RPTOR: variants seen among roughly 807,000 people sequenced by gnomAD.
The protein encoded by RPTOR is regulatory-associated protein of mTOR.
Under a neutral mutation model 169.9 loss-of-function variants are expected in RPTOR, and 21 were observed. That is an observed-to-expected ratio of 0.12 (90% CI 0.09 to 0.18). The LOEUF is 0.18. RPTOR is among the 10% of genes least tolerant of loss of function. RPTOR has a pLI of 1.00. For synonymous variants in RPTOR, 732 were observed against 753.2 expected, an observed-to-expected ratio of 0.97 and a Z score of 0.46; for missense variants, 1,133 against 1,855.9, an observed-to-expected ratio of 0.61 and a Z score of 7.16.
intron 5 of RPTOR, among the ~76,000 whole-genome samples, chr17:80,736,295 AAC>A (rs968857949): frequency 1.3e-5 from 2 of 152,062 alleles, no homozygotes; most frequent in Non-Finnish European, 2.9e-5. Flanking sequence ...GGTGTCTCTA[AAC>A]ACAATTGTGT....
At chr17:80,601,171 C>T (rs931276062) in intron 1 of RPTOR, among the ~76,000 whole-genome samples, 6 of 130,810 alleles carry the variant, frequency 4.6e-5, no homozygotes, top group Non-Finnish European at 6.7e-5. Flanking sequence ...CACTGTCAGC[C>T]GCCAGATGTG....
chr17:80,700,694 GT>G (rs2066086225), intron 3 of RPTOR, among the ~76,000 whole-genome samples: 1 of 91,192 alleles, frequency 1.1e-5, no homozygotes, highest in Non-Finnish European at 2.5e-5. Flanking sequence ...GGTGGTGATG[GT>G]GATGGTGGTG....
chr17:80,921,512 C>T (rs552263076), intron 21 of RPTOR, among the ~76,000 whole-genome samples: 3 of 152,340 alleles, frequency 2.0e-5, no homozygotes, highest in South Asian at 4.1e-4. Flanking sequence ...CACGCCCTGC[C>T]TTGCGTGGTT....
At chr17:80,674,911 C>A (rs1328891507) in intron 3 of RPTOR, among the ~76,000 whole-genome samples, 1 of 149,968 alleles carries the variant, frequency 6.7e-6, no homozygotes, top group East Asian at 2.0e-4. Context: ...CAAATATACA[C>A]TAAGAATATG....
chr17:80,774,886 G>C (rs184089005), intron 6 of RPTOR, among the ~76,000 whole-genome samples: 3 of 152,208 alleles, frequency 2.0e-5, no homozygotes, highest in Admixed American at 1.3e-4. Flanking sequence ...CCCCTCTGCC[G>C]TGGAAGGTTT....
At position 80,957,866 on chromosome 17, in the gene RPTOR, T is replaced by G; in HGVS notation, c.3477+136T>G. On this transcript the variant is annotated intron_variant, in intron 29 of 33. Coordinates refer to ENST00000306801, the MANE Select transcript of RPTOR (RefSeq NM_020761.3). This position sits in a 1 kb window ranked among gnomAD's most constrained non-coding sequence, Gnocchi z 4.6. ...GTGGAGTCAGGGCCTGGGAGGACAG[T>G]GCCGGGACAATGCTGGGAGGAGACG... is the stretch of plus-strand genomic sequence containing the variant. The G allele has an allele frequency of 1.3e-6, 1 of 757,536 alleles. No homozygotes were observed. Among genetic ancestry groups the G allele is most frequent in the Non-Finnish European group, 2.2e-6 (1 of 451,588 alleles). The allele number at this position is 757,536 out of a possible 1,614,324, so 46.9% of individuals were successfully genotyped here.
In RPTOR at chr17:80,883,928, G is replaced by T; in HGVS notation, c.1798G>T (p.Ala600Ser). The T allele has an allele frequency of 6.2e-7, 1 of 1,613,402 alleles. No individual in the cohort carries two copies. The highest frequency in any genetic ancestry group is 8.5e-7 in the Non-Finnish European group (1 of 1,179,998). Residue 600 changes from alanine to serine, a missense_variant, in exon 16 of 34, where the codon GCT (alanine) becomes TCT (serine). By Grantham distance (99) the Ala-to-Ser change is moderately conservative. This residue lies in a region of RPTOR where 289 missense variants were observed against 585.8 expected (regional missense o/e 0.49). Transcript: ENST00000306801. ...SARWCGVRDSAHEKLYSLLSD... is the reference protein window; with the variant it reads ...SARWCGVRDSSHEKLYSLLSD... ...GAGGTGGTGCGGCGTGAGGGACAGC[G>T]CTCATGAGAAGCTCTACAGCCTCCT...
At chr17:80,786,213 A>G (rs1395214762) in intron 6 of RPTOR, among the ~76,000 whole-genome samples, 1 of 152,198 alleles carries the variant, frequency 6.6e-6, no homozygotes, top group Non-Finnish European at 1.5e-5. Context: ...ATTTGCTTTT[A>G]TTCTAAAATA....
At position 80,691,077 on chromosome 17, in the gene RPTOR, G is replaced by A. The variant is rs78850730; in HGVS notation, c.349-16764G>A. Among the ~76,000 whole-genome samples the A allele has an allele frequency of 5.6e-4, 86 of 152,286 alleles. 1 individual carries two copies. In the East Asian group the frequency reaches 0.016, roughly 28 times the overall value. On this transcript the variant is annotated intron_variant, in intron 3 of 33. Coordinates refer to ENST00000306801, the MANE Select transcript of RPTOR (RefSeq NM_020761.3). The stretch of plus-strand genomic sequence containing the variant: ...CCCAAAGTGCTGGGGTTACAGATAC[G>A]AGCCACTGTGCTTAGCTGTCCTTAT...
Position 80,860,076 on chromosome 17 carries a change from G to C in RPTOR, c.1509+2176G>C, listed in dbSNP as rs1840319794. On this transcript the variant is annotated intron_variant, in intron 13 of 33. Coordinates refer to ENST00000306801, the MANE Select transcript of RPTOR (RefSeq NM_020761.3). This position sits in a 1 kb window ranked among gnomAD's most constrained non-coding sequence, Gnocchi z 5.8. ...AAGACCACCCTTTCCTTTTCTGTGTGGCAGGTGAGGGGAGAGTGGACGGAG... is the reference window on the plus strand; with the variant it reads ...AAGACCACCCTTTCCTTTTCTGTGTCGCAGGTGAGGGGAGAGTGGACGGAG... 6.6e-6 allele frequency among the ~76,000 whole-genome samples: 1 copy of C among 152,220 alleles called. No individual in the cohort carries two copies. The highest frequency in any genetic ancestry group is 6.5e-5 in the Admixed American group (1 of 15,292).
chr17:80,872,666 A>G (rs193141181), intron 13 of RPTOR, among the ~76,000 whole-genome samples: 1 of 152,172 alleles, frequency 6.6e-6, no homozygotes, highest in East Asian at 1.9e-4. Flanking sequence ...AGAGAGAGGA[A>G]CCCGGAGGGG....
At chr17:80,831,534 G>C (rs1175422016) in intron 9 of RPTOR, among the ~76,000 whole-genome samples, 3 of 152,232 alleles carry the variant, frequency 2.0e-5, no homozygotes, top group Non-Finnish European at 4.4e-5. Flanking sequence ...TCTTAGATAT[G>C]AGCAGTCCTT....
Position 80,830,777 on chromosome 17 carries a change from G to A in RPTOR, c.1137-7145G>A, listed in dbSNP as rs185244125. On this transcript the variant is annotated intron_variant, in intron 9 of 33. Coordinates refer to ENST00000306801, the MANE Select transcript of RPTOR (RefSeq NM_020761.3). Reference sequence around the variant, plus strand: ...CTTTTTTTTTTTTTTCGGAGGCGGGGTCTCGCTCTGTCACCCAGGCTGGAG... The same window carrying A: ...CTTTTTTTTTTTTTTCGGAGGCGGGATCTCGCTCTGTCACCCAGGCTGGAG... 2.3e-3 allele frequency among the ~76,000 whole-genome samples: 353 copies of A among 151,754 alleles called. 2 individuals carry two copies. Among genetic ancestry groups the A allele is most frequent in the African/African-American group, 7.3e-3 (301 of 41,350 alleles).
intron 1 of RPTOR, among the ~76,000 whole-genome samples, chr17:80,580,553 C>T (rs1428530869): frequency 1.3e-5 from 2 of 152,150 alleles, no homozygotes; most frequent in Admixed American, 6.6e-5. Flanking sequence ...GGGTCAGTTT[C>T]ATTATGTTTA....
At chr17:80,673,633 G>A (rs1160276516) in intron 3 of RPTOR, among the ~76,000 whole-genome samples, 3 of 152,216 alleles carry the variant, frequency 2.0e-5, no homozygotes, top group Non-Finnish European at 4.4e-5. Context: ...CTTCTTGGTA[G>A]CCGGCGCTTT....
At chr17:80,777,406 C>G (rs1250295672) in intron 6 of RPTOR, among the ~76,000 whole-genome samples, 1 of 152,126 alleles carries the variant, frequency 6.6e-6, no homozygotes, top group Non-Finnish European at 1.5e-5. Context: ...AATATTCAAG[C>G]AGGACTAGAG....
In RPTOR at chr17:80,746,383, C is replaced by G. The variant is rs552609379; in HGVS notation, c.655-7627C>G. On this transcript the variant is annotated intron_variant, in intron 5 of 33. Transcript: ENST00000306801. This position sits in a 1 kb window ranked among gnomAD's most constrained non-coding sequence, Gnocchi z 4.5. Reference sequence around the variant, plus strand: ...AGCGGTGCTTTCTGCAGGGAGCGGACGGCAGGCCTGGGGCGTGCTGCCCGC... The same window carrying G: ...AGCGGTGCTTTCTGCAGGGAGCGGAGGGCAGGCCTGGGGCGTGCTGCCCGC... 6.6e-6 allele frequency among the ~76,000 whole-genome samples: 1 copy of G among 152,208 alleles called. No homozygotes were observed. Among genetic ancestry groups the G allele is most frequent in the South Asian group, 2.1e-4 (1 of 4,836 alleles).
At chr17:80,948,957 CTG>C (rs1298143233) in intron 27 of RPTOR, among the ~76,000 whole-genome samples, 8 of 152,206 alleles carry the variant, frequency 5.3e-5, no homozygotes, top group African/African-American at 1.9e-4. Flanking sequence ...GCTACTCTCT[CTG>C]TGGAGCACAG....
At chr17:80,630,593 A>G (rs1286295526) in intron 2 of RPTOR, among the ~76,000 whole-genome samples, 2 of 152,362 alleles carry the variant, frequency 1.3e-5, no homozygotes, top group African/African-American at 2.4e-5. Context: ...TACCAAAGAA[A>G]ATCTCCTTTA....
Sources: allele counts gnomAD v4.1 joint callset (sites outside exome capture counted in the v4.1 genomes callset), GRCh38; gene constraint gnomAD v4.1.1; regional missense constraint gnomAD v4.1.1; non-coding constraint Gnocchi (gnomAD v3.1); transcripts MANE v1.5; gene names NCBI Gene and HGNC (gene_info 2026-07-23, HGNC 2026-07-21).